TANC1: variants seen among roughly 807,000 people sequenced by gnomAD.
TANC1 encodes the protein tetratricopeptide repeat, ankyrin repeat and coiled-coil containing 1.
A neutral mutation model predicts 149.7 loss-of-function variants in TANC1; 77 were observed. The observed-to-expected ratio is 0.51, with a 90% CI of 0.43 to 0.62. The LOEUF is 0.62. Among genes scored for constraint, TANC1 ranks in the 20% least tolerant of loss-of-function variants. The pLI, the probability that TANC1 is intolerant of heterozygous loss-of-function variation, is 0.00. For missense variants in TANC1, 1,985 were observed against 2,321.8 expected (o/e 0.85, Z 2.98); for synonymous variants, 854 against 925.0 (o/e 0.92, Z 1.39).
chr2:158,997,340 G>T (rs1267560180), intron 1 of TANC1, among the ~76,000 whole-genome samples: 1 of 152,134 alleles, frequency 6.6e-6, no homozygotes, highest in Non-Finnish European at 1.5e-5. Context: ...GAACCTTGTG[G>T]GACTGTATTA....
At chr2:159,144,643 T>A (rs989255098) in intron 5 of TANC1, among the ~76,000 whole-genome samples, 4 of 152,328 alleles carry the variant, frequency 2.6e-5, no homozygotes, top group South Asian at 2.1e-4. Context: ...GTGATCCATC[T>A]GCCTCGGCCT....
chr2:159,097,654 G>C lies in TANC1; in HGVS notation c.79G>C (p.Glu27Gln). Residue 27 changes from glutamate (E) to glutamine (Q), a missense_variant, in exon 4 of 27, where the codon GAG becomes CAG. Glu to Gln is a conservative substitution (Grantham distance 29). This residue lies in a region of TANC1 where 557 missense variants were observed against 612.9 expected (regional missense o/e 0.91). Transcript: ENST00000263635. ...KKEAGSDFGP[E>Q]TSPVLHLDHS... is the part of the protein sequence containing the mutation. ...TACTCTAGGAAGTGACTTTGGTCCA[G>C]AGACTTCTCCAGTCCTGCACCTTGA... The C allele has an allele frequency of 6.2e-7, 1 of 1,614,000 alleles. No homozygotes were observed. Among genetic ancestry groups the C allele is most frequent in the Non-Finnish European group, 8.5e-7 (1 of 1,179,912 alleles).
intron 2 of TANC1, among the ~76,000 whole-genome samples, chr2:159,044,433 G>C (rs541859716): frequency 9.2e-5 from 14 of 152,194 alleles, no homozygotes; most frequent in Non-Finnish European, 1.5e-4. Flanking sequence ...ATGAAACCCT[G>C]TCTTAAAACT....
At chr2:159,062,973 CAAAAAAAA>C (rs58675911) in intron 2 of TANC1, among the ~76,000 whole-genome samples, 1 of 41,216 alleles carries the variant, frequency 2.4e-5, no homozygotes, top group Non-Finnish European at 5.4e-5. Flanking sequence ...GACTCCGTCT[CAAAAAAAA>C]AAAAAAAAAA....
rs544155205 is a variant in TANC1, at chr2:159,091,125, A to G, written c.62-6512A>G. Among the ~76,000 whole-genome samples, 19 of 152,166 alleles carry G rather than the reference A, an allele frequency of 1.2e-4. No individual in the cohort carries two copies. The South Asian group carries it at 3.5e-3, about 28-fold the overall frequency. The stretch of plus-strand genomic sequence containing the variant: ...TTTTCCTTCTTAAGTATGCAAAATG[A>G]CATAATGTTGAAAGCCTTTCTCAGT... On this transcript the variant is annotated intron_variant, in intron 3 of 26. Transcript: ENST00000263635.
intron 14 of TANC1, among the ~76,000 whole-genome samples, chr2:159,182,299 T>C (rs899741854): frequency 2.6e-5 from 4 of 152,062 alleles, no homozygotes; most frequent in Non-Finnish European, 5.9e-5. Context: ...TTTTTTTTTG[T>C]TGAAGTATGT....
chr2:159,157,939 A>T (rs1038903008), intron 7 of TANC1, among the ~76,000 whole-genome samples: 1 of 151,950 alleles, frequency 6.6e-6, no homozygotes, highest in African/African-American at 2.4e-5. Context: ...AGGACAAATC[A>T]CTCTCTTCAG....
intron 3 of TANC1, among the ~76,000 whole-genome samples, chr2:159,092,303 T>A (rs570794567): frequency 6.6e-6 from 1 of 152,290 alleles, no homozygotes; most frequent in South Asian, 2.1e-4. Context: ...TACTTTCATC[T>A]CCTTGCCTTC....
chr2:159,168,195 G>A (rs1344356478), intron 8 of TANC1, among the ~76,000 whole-genome samples: 2 of 152,034 alleles, frequency 1.3e-5, no homozygotes, highest in African/African-American at 2.4e-5. Flanking sequence ...AGGCAAAAAC[G>A]TGTACTATGT....
In TANC1 at chr2:159,186,973, G is replaced by A. The variant is rs1482219963; in HGVS notation, c.2691G>A (p.Gly897=). The A allele has an allele frequency of 6.2e-7, 1 of 1,614,180 alleles. No homozygotes were observed. The highest frequency in any genetic ancestry group is 8.5e-7 in the Non-Finnish European group (1 of 1,180,008). Residue 897 remains glycine, a synonymous_variant, in exon 16 of 27, where the codon GGG becomes GGA. Transcript: ENST00000263635. ...QALWIGYSTE[G]LSAALASLRN... ...TGTGGATCGGCTACAGCACCGAGGG[G>A]CTGTCCGCCGCCCTGGCCTCTCTCA...
intron 14 of TANC1, among the ~76,000 whole-genome samples, chr2:159,182,216 A>AG (rs397686960): frequency 2.0e-4 from 30 of 151,462 alleles, no homozygotes; most frequent in Admixed American, 2.0e-3. Flanking sequence ...TCAAAAAAAA[A>AG]GAAAGAGTTT....
intron 4 of TANC1, among the ~76,000 whole-genome samples, chr2:159,109,960 T>G (rs1338443866): frequency 2.0e-5 from 3 of 152,216 alleles, no homozygotes; most frequent in Non-Finnish European, 4.4e-5. Context: ...ATGCTGAGGT[T>G]GCTAAGATCT....
chr2:159,196,770 G>T lies in TANC1; in HGVS notation c.3142G>T (p.Ala1048Ser). 1 of 1,612,466 alleles carries T rather than the reference G, an allele frequency of 6.2e-7. No individual in the cohort carries two copies. The highest frequency in any genetic ancestry group is 8.5e-7 in the Non-Finnish European group (1 of 1,179,680). The change falls in exon 18 of 27, where the codon GCG becomes TCG. Residue 1048 changes from alanine (A) to serine (S), a missense_variant. Physicochemically the swap from Ala to Ser is moderately conservative, Grantham distance 99. This residue lies in a region of TANC1 where 508 missense variants were observed against 714.2 expected (regional missense o/e 0.71). Transcript: ENST00000263635. ...SHALQQALTA[A>S]ASMGHSSVVQ... is the part of the protein sequence containing the mutation. The stretch of plus-strand genomic sequence containing the variant: ...CGCCCTGCAGCAGGCGCTGACCGCG[G>T]CGGCCAGCATGGGCCACAGCTCGGT...
Position 159,225,421 on chromosome 2 carries a change from G to A in TANC1, c.3812-267G>A, listed in dbSNP as rs143202042. 1.9e-3 allele frequency: 1,008 copies of A among 533,240 alleles called. 1 individual carries two copies. The highest frequency in any genetic ancestry group is 2.8e-3 in the Admixed American group (86 of 31,074). The allele number at this position is 533,240 out of a possible 1,614,324, so 33.0% of individuals were successfully genotyped here. ...AATTAATTTTCCCCACATCCCACCC[G>A]GAAGGGAGGAATGAGTTTTCGCTGC... On this transcript the variant is annotated intron_variant, in intron 23 of 26. Transcript: ENST00000263635.
At chr2:159,019,880 A>G (rs1429557346) in intron 2 of TANC1, among the ~76,000 whole-genome samples, 2 of 151,408 alleles carry the variant, frequency 1.3e-5, no homozygotes, top group Non-Finnish European at 1.5e-5. Context: ...TTGGGATTTC[A>G]GGGGTGCAGC....
intron 16 of TANC1, among the ~76,000 whole-genome samples, chr2:159,187,657 G>A (rs2057103417): frequency 6.6e-6 from 1 of 152,164 alleles, no homozygotes; most frequent in Admixed American, 6.5e-5. Context: ...CACAGAGACA[G>A]TGTCCAGGCC....
intron 5 of TANC1, among the ~76,000 whole-genome samples, chr2:159,143,062 C>CAAAAAAAAAAA (rs70994269): frequency 1.1e-5 from 1 of 87,366 alleles, no homozygotes; most frequent in African/African-American, 5.6e-5. Context: ...GACTCTGTCT[C>CAAAAAAAAAAA]AAAAAAAAAA....
intron 2 of TANC1, chr2:159,056,789 C>A: frequency 2.9e-6 from 1 of 348,668 alleles, no homozygotes; most frequent in Non-Finnish European, 6.0e-6. Flanking sequence ...TCTTCCCGTC[C>A]ATGAAGTTGG....
Position 159,175,123 on chromosome 2 carries a change from G to A in TANC1, c.1674G>A (p.Val558=), listed in dbSNP as rs1266531702. The A allele has an allele frequency of 6.2e-7, 1 of 1,614,200 alleles. No individual in the cohort carries two copies. The highest frequency in any genetic ancestry group is 2.2e-5 in the East Asian group (1 of 44,884). ...GCATGCTGAGCCTCCGATCCTGTGT[G>A]CAGGACCCGGTGGCAGCTTTCAAGA... The part of the protein sequence containing the change: ...LQSMLSLRSC[V]QDPVAAFKRG... Residue 558 remains valine, a synonymous_variant, in exon 12 of 27, where the codon GTG becomes GTA. Coordinates refer to ENST00000263635, the MANE Select transcript of TANC1 (RefSeq NM_033394.3).
Sources: allele counts gnomAD v4.1 joint callset (sites outside exome capture counted in the v4.1 genomes callset), GRCh38; gene constraint gnomAD v4.1.1; regional missense constraint gnomAD v4.1.1; transcripts MANE v1.5; gene names NCBI Gene and HGNC (gene_info 2026-07-23, HGNC 2026-07-21).